GYS1: variants seen among roughly 807,000 people sequenced by gnomAD.
GYS1 encodes the protein glycogen [starch] synthase, muscle.
Under a neutral mutation model 89.1 loss-of-function variants are expected in GYS1, and 60 were observed. The observed-to-expected ratio is 0.67, with a 90% CI of 0.55 to 0.84. The LOEUF (loss-of-function observed/expected upper bound fraction) is 0.84. Among genes scored for constraint, GYS1 ranks in the 40% least tolerant of loss-of-function variants. The pLI is 0.00. For synonymous variants in GYS1, 366 were observed against 401.7 expected (o/e 0.91, Z 1.06); for missense variants, 888 against 1,003.1 (o/e 0.89, Z 1.55).
Position 48,978,192 on chromosome 19 carries a change from C to T in GYS1, c.1170-35G>A, listed in dbSNP as rs935667492. 2.6e-6 allele frequency: 4 copies of T among 1,545,782 alleles called. No individual in the cohort carries two copies. The Admixed American group carries it at 5.0e-5, about 19-fold the overall frequency. On this transcript the variant is annotated intron_variant, in intron 8 of 15. Coordinates refer to ENST00000323798, the MANE Select transcript of GYS1 (RefSeq NM_002103.5). ...GCAGAGCAACAGGGTCACATACACA[C>T]CAGCTGCCATTTACTGTTAGGCTTC...
At chr19:48,983,784 T>A (rs1371893753) in intron 5 of GYS1, among the ~76,000 whole-genome samples, 2 of 152,168 alleles carry the variant, frequency 1.3e-5, no homozygotes, top group South Asian at 2.1e-4. Context: ...TTCCCTTTCA[T>A]AAGACCAATC....
chr19:48,981,064 G>T (rs2122503687), intron 8 of GYS1, among the ~76,000 whole-genome samples: 1 of 150,618 alleles, frequency 6.6e-6, no homozygotes, highest in East Asian at 2.0e-4. Context: ...AGTGAGCCGA[G>T]ATCATGCCAT....
Position 48,981,625 on chromosome 19 carries a change from G to A in GYS1, c.1074C>T (p.Ser358=), listed in dbSNP as rs745380821. 5.6e-6 allele frequency: 9 copies of A among 1,608,764 alleles called. No homozygotes were observed. The highest frequency in any genetic ancestry group is 2.2e-5 in the East Asian group (1 of 44,866). ...TGAAGAAGGCAACCACTGTCTGCTC[G>A]CTGCCGTTCACCTGCGCAGAAAGAA... ...RLNYLLRVNG[S]EQTVVAFFIM... The change falls in exon 8 of 16, where the codon AGC becomes AGT. Residue 358 remains serine (S), a synonymous_variant. Transcript: ENST00000323798.
chr19:48,972,800 G>A (rs748996548), intron 12 of GYS1, among the ~76,000 whole-genome samples: 17 of 152,036 alleles, frequency 1.1e-4, no homozygotes, highest in Non-Finnish European at 1.9e-4. Context: ...TCTTATGTAA[G>A]TTTTCCTAAA....
chr19:48,992,742 C>A (rs545972454), intron 1 of GYS1, among the ~76,000 whole-genome samples: 9 of 152,258 alleles, frequency 5.9e-5, no homozygotes, highest in African/African-American at 2.2e-4. Flanking sequence ...GCCTCCAGGA[C>A]CTAGGAGTCT....
At chr19:48,989,142 AC>A (rs2122531402) in intron 2 of GYS1, among the ~76,000 whole-genome samples, 1 of 139,714 alleles carries the variant, frequency 7.2e-6, no homozygotes, top group Admixed American at 7.5e-5. Flanking sequence ...TTTGTTTTTG[AC>A]AGGGTCTCAC....
intron 10 of GYS1, among the ~76,000 whole-genome samples, chr19:48,976,915 G>A (rs777440205): frequency 1.2e-4 from 18 of 151,698 alleles, no homozygotes; most frequent in Non-Finnish European, 2.5e-4. Context: ...CAGCCTCCCA[G>A]GTAGCTGGGA....
intron 8 of GYS1, 90 bp downstream of exon 8, chr19:48,981,440 A>C: frequency 2.5e-6 from 2 of 792,086 alleles, no homozygotes; most frequent in South Asian, 2.8e-5. Context: ...AACAAACAAA[A>C]CAAAAAACTG....
Position 48,968,723 on chromosome 19 carries a change from A to C in GYS1, c.*565T>G. 2.2e-6 allele frequency: 1 copy of C among 454,096 alleles called. No individual in the cohort carries two copies. The highest frequency in any genetic ancestry group is 4.4e-6 in the Non-Finnish European group (1 of 226,784). The allele number at this position is 454,096 out of a possible 1,614,324, so 28.1% of individuals were successfully genotyped here. On this transcript the variant is annotated 3_prime_UTR_variant, in exon 16 of 16. Coordinates refer to ENST00000323798, the MANE Select transcript of GYS1 (RefSeq NM_002103.5). ...AGAGCCTGGCTCTGACATGCCAGGG[A>C]GGGCTAGAACATCCCTCCCAGAGCC...
In GYS1 at chr19:48,982,353, T is replaced by C. The variant is rs2038779036; in HGVS notation, c.964A>G (p.Lys322Glu). Residue 322 changes from lysine to glutamate, a missense_variant, in exon 7 of 16, where the codon AAG becomes GAG. Lys to Glu is a moderately conservative substitution (Grantham distance 56, BLOSUM62 1). Coordinates refer to ENST00000323798, the MANE Select transcript of GYS1 (RefSeq NM_002103.5). ...FYGHLDFNLDKTLYFFIAGRY... is the reference protein window; with the variant it reads ...FYGHLDFNLDETLYFFIAGRY... The stretch of plus-strand genomic sequence containing the variant: ...CCGGCGATAAAGAAGTATAAGGTCT[T>C]GTCCAAGTTGAAGTCCAGATGCCTA... The C allele has an allele frequency of 6.2e-7, 1 of 1,613,762 alleles. No homozygotes were observed. The highest frequency in any genetic ancestry group is 1.3e-5 in the African/African-American group (1 of 74,882).
At chr19:48,984,653 C>G (rs1164251060) in intron 5 of GYS1, among the ~76,000 whole-genome samples, 3 of 152,244 alleles carry the variant, frequency 2.0e-5, no homozygotes, top group Non-Finnish European at 2.9e-5. Context: ...CTTGGCCTCC[C>G]AAAGTGTTGG....
Position 48,983,701 on chromosome 19 carries a change from G to GATCC in GYS1, c.824-865_824-864insGGAT, listed in dbSNP as rs372797020. Among the ~76,000 whole-genome samples the GATCC allele has an allele frequency of 4.7e-3, 720 of 152,194 alleles. 6 individuals are homozygous for GATCC. The highest frequency in any genetic ancestry group is 0.017 in the African/African-American group (691 of 41,474). On this transcript the variant is annotated intron_variant, in intron 5 of 15. Transcript: ENST00000323798. ...TTCTCACCTTATACTCACTGAGAAC[G>GATCC]GATACTAAGGGCTGGGAAGAATGCC... is the stretch of plus-strand genomic sequence containing the variant.
At chr19:48,980,872 T>C (rs2038749654) in intron 8 of GYS1, among the ~76,000 whole-genome samples, 1 of 151,308 alleles carries the variant, frequency 6.6e-6, no homozygotes, top group Non-Finnish European at 1.5e-5. Flanking sequence ...CCCAGCACTT[T>C]GGGAGGCTGA....
chr19:48,982,761 G>A lies in GYS1; in HGVS notation c.900C>T (p.Ser300=). 1 of 1,613,762 alleles carries A rather than the reference G, an allele frequency of 6.2e-7. No homozygotes were observed. The highest frequency in any genetic ancestry group is 8.5e-7 in the Non-Finnish European group (1 of 1,179,678). Residue 300 remains serine (S), a synonymous_variant, in exon 6 of 16, where the codon AGC becomes AGT. Coordinates refer to ENST00000323798, the MANE Select transcript of GYS1 (RefSeq NM_002103.5). ...MHEFQNLHAQ[S]KARIQEFVRG... ...GCACAAACTCCTGGATTCGAGCCTT[G>A]CTCTGAGCATGGAGGTTCTGGAACT...
Position 48,970,619 on chromosome 19 carries a change from C to T in GYS1, c.1736G>A (p.Arg579Gln). ...GTTCCGCTGGATGATACGCTGCCGC[C>T]GGCTCTGCTGACAGAAACTGTAGAG... ...SFLYSFCQQS[R>Q]RQRIIQRNRT... Residue 579 changes from arginine to glutamine, a missense_variant, in exon 14 of 16, where the codon CGG becomes CAG. By Grantham distance (43) the Arg-to-Gln change is conservative (BLOSUM62 1). Transcript: ENST00000323798. 1.2e-6 allele frequency: 2 copies of T among 1,613,956 alleles called. No individual in the cohort carries two copies. The highest frequency in any genetic ancestry group is 1.7e-6 in the Non-Finnish European group (2 of 1,179,942).
Position 48,978,137 on chromosome 19 carries a change from T to C in GYS1, c.1190A>G (p.Lys397Arg), listed in dbSNP as rs1600138867. 1 of 1,614,084 alleles carries C rather than the reference T, an allele frequency of 6.2e-7. No individual in the cohort carries two copies. Among genetic ancestry groups the C allele is most frequent in the African/African-American group, 1.3e-5 (1 of 75,038 alleles). ...KQLWDTANTV[K>R]EKFGRKLYES... ...ATAAAGCTTCCTCCCGAACTTTTCC[T>C]TCACCGTGTTGGCCGTGTCCCTGGA... The change falls in exon 9 of 16, where the codon AAG (lysine) becomes AGG (arginine). Residue 397 changes from lysine (K) to arginine (R), a missense_variant. By Grantham distance (26) the Lys-to-Arg change is conservative (BLOSUM62 2). Coordinates refer to ENST00000323798, the MANE Select transcript of GYS1 (RefSeq NM_002103.5).
At chr19:48,988,242 T>G (rs1228820508) in intron 2 of GYS1, among the ~76,000 whole-genome samples, 1 of 152,238 alleles carries the variant, frequency 6.6e-6, no homozygotes, top group Non-Finnish European at 1.5e-5. Context: ...CCCTACCTGC[T>G]GCCTTGTTTC....
intron 7 of GYS1, 57 bp from the exon 8 acceptor site, chr19:48,981,693 G>A: frequency 8.9e-7 from 1 of 1,125,238 alleles, no homozygotes; most frequent in Non-Finnish European, 1.4e-6. Flanking sequence ...CCTGGAACCA[G>A]CCAGCCTTTC....
At chr19:48,976,308 G>T (rs1200427805) in intron 10 of GYS1, among the ~76,000 whole-genome samples, 1 of 152,036 alleles carries the variant, frequency 6.6e-6, no homozygotes, top group African/African-American at 2.4e-5. Context: ...CACAAGTACT[G>T]AAGTCCCTGG....
Sources: gnomAD v4.1 joint callset for allele counts (sites outside exome capture counted in the v4.1 genomes callset) on GRCh38, gnomAD v4.1.1 for gene constraint, MANE v1.5 for transcripts, NCBI Gene and HGNC (gene_info 2026-07-23, HGNC 2026-07-21) for gene names.